The following MYO16 variants were observed in gnomAD, a reference collection of about 807,000 sequenced individuals.
The protein encoded by MYO16 is myosin XVI.
Under a neutral mutation model 205.3 loss-of-function variants are expected in MYO16, and 94 were observed. That is an observed-to-expected ratio of 0.46 (90% CI 0.39 to 0.54). The LOEUF (loss-of-function observed/expected upper bound fraction) is 0.54. Ranked by LOEUF, MYO16 falls within the 20% of genes least tolerant of loss-of-function variation. MYO16 has a pLI of 0.00. For synonymous variants in MYO16, 988 were observed against 954.0 expected, an observed-to-expected ratio of 1.04 and a Z score of -0.66; for missense variants, 2,315 against 2,387.5, an observed-to-expected ratio of 0.97 and a Z score of 0.63.
At chr13:109,045,876 G>T (rs941847159) in intron 23 of MYO16, among the ~76,000 whole-genome samples, 2 of 152,132 alleles carry the variant, frequency 1.3e-5, no homozygotes, top group African/African-American at 4.8e-5. Flanking sequence ...AATTCCCAAA[G>T]AACTCAGGTT....
chr13:108,669,455 G>A lies in MYO16; in HGVS notation c.292+3306G>A, dbSNP rs551424483. Among the ~76,000 whole-genome samples, 3 of 152,198 alleles carry A rather than the reference G, an allele frequency of 2.0e-5. No individual in the cohort carries two copies. In the South Asian group the frequency reaches 6.2e-4, roughly 32 times the overall value. ...AAAGGAGGTTTCTGTAAAGAGGAGA[G>A]AAATGGAAAGATTACTGAAGAGGGA... On this transcript the variant is annotated intron_variant, in intron 2 of 34. Transcript: ENST00000457511.
intron 6 of MYO16, among the ~76,000 whole-genome samples, chr13:108,799,011 G>C (rs1275397843): frequency 6.6e-6 from 1 of 152,208 alleles, no homozygotes; most frequent in African/African-American, 2.4e-5. Flanking sequence ...GGCCCCCGAG[G>C]CTTATTTATT....
intron 1 of MYO16, among the ~76,000 whole-genome samples, chr13:108,608,435 C>A (rs534413395): frequency 2.0e-5 from 3 of 152,128 alleles, no homozygotes; most frequent in Non-Finnish European, 4.4e-5. Flanking sequence ...GCTTTCTCAT[C>A]GGACCTAGCC....
chr13:108,665,477 A>G (rs2139432118), intron 1 of MYO16, among the ~76,000 whole-genome samples: 1 of 152,172 alleles, frequency 6.6e-6, no homozygotes, highest in South Asian at 2.1e-4. Flanking sequence ...GCAAAAGCAA[A>G]TCTATTAGGT....
chr13:108,947,252 A>C (rs190547645), intron 16 of MYO16, among the ~76,000 whole-genome samples: 1 of 152,300 alleles, frequency 6.6e-6, no homozygotes, highest in African/African-American at 2.4e-5. Flanking sequence ...ATGGCCTTAC[A>C]CATGCTTTCT....
chr13:108,835,076 A>G (rs181991215), intron 9 of MYO16, among the ~76,000 whole-genome samples: 1 of 137,354 alleles, frequency 7.3e-6, no homozygotes, highest in Admixed American at 7.8e-5. Flanking sequence ...CAAAACAAGT[A>G]TATTACTTAG....
intron 15 of MYO16, among the ~76,000 whole-genome samples, chr13:108,898,608 T>C (rs1361791950): frequency 6.6e-6 from 1 of 152,156 alleles, no homozygotes; most frequent in East Asian, 1.9e-4. Flanking sequence ...ATATAATTTC[T>C]TCACATAATA....
At chr13:109,002,904 T>A (rs1253552755) in intron 21 of MYO16, among the ~76,000 whole-genome samples, 2 of 152,206 alleles carry the variant, frequency 1.3e-5, no homozygotes, top group Non-Finnish European at 2.9e-5. Flanking sequence ...TACATTTTTT[T>A]AAAGTTTCAA....
intron 28 of MYO16, among the ~76,000 whole-genome samples, chr13:109,105,936 G>A (rs1223602531): frequency 6.6e-6 from 1 of 152,220 alleles, no homozygotes; most frequent in Admixed American, 6.5e-5. Flanking sequence ...TCAGGATGTA[G>A]TGGTGGCTAG....
chr13:108,620,497 G>C (rs964084027), intron 1 of MYO16, among the ~76,000 whole-genome samples: 1 of 152,188 alleles, frequency 6.6e-6, no homozygotes, highest in Non-Finnish European at 1.5e-5. Flanking sequence ...TTGATGCAAA[G>C]TCTGTGGGTG....
At chr13:108,841,909 C>T (rs749562859) in intron 9 of MYO16, among the ~76,000 whole-genome samples, 24 of 151,980 alleles carry the variant, frequency 1.6e-4, no homozygotes, top group Admixed American at 3.9e-4. Context: ...ATGGAAAGTG[C>T]AGAAATAAAC....
chr13:109,127,858 G>GAAAAAAA lies in MYO16; in HGVS notation c.4051+308_4051+309insAAAAAAA, dbSNP rs1876340683. ...CATGTAAAGGTTCACCAATGAGAAA[G>GAAAAAAA]TAAAAAAAAAAAAAAAAAAACTGCT... On this transcript the variant is annotated intron_variant, in intron 31 of 34. Transcript: ENST00000457511. This position sits in a 1 kb window ranked among gnomAD's most constrained non-coding sequence, Gnocchi z 4.2. Among the ~76,000 whole-genome samples, 1 of 37,748 alleles carries GAAAAAAA rather than the reference G, an allele frequency of 2.6e-5. No homozygotes were observed. The highest frequency in any genetic ancestry group is 4.9e-5 in the Non-Finnish European group (1 of 20,478). 24.8% of individuals were successfully genotyped at this position (37,748 alleles called of 152,430 possible). A position where few individuals can be genotyped will look rare whatever the true frequency, so the allele number is the denominator to read the frequency against.
intron 7 of MYO16, 151 bp downstream of exon 7, chr13:108,806,955 G>T: frequency 1.9e-6 from 1 of 528,848 alleles, no homozygotes; most frequent in South Asian, 6.9e-5. Context: ...ATATTTTTAT[G>T]GTTAAAGGAA....
chr13:108,643,166 A>G (rs1396040408), intron 1 of MYO16, among the ~76,000 whole-genome samples: 1 of 152,220 alleles, frequency 6.6e-6, no homozygotes, highest in Non-Finnish European at 1.5e-5. Flanking sequence ...ATCTCCTTCC[A>G]TAATCACTAG....
intron 32 of MYO16, among the ~76,000 whole-genome samples, chr13:109,161,902 A>G (rs1490207869): frequency 6.6e-6 from 1 of 152,076 alleles, no homozygotes; most frequent in African/African-American, 2.4e-5. Flanking sequence ...AACCTGACCA[A>G]CATGATGAAA....
chr13:108,568,004 T>G, the MYO16 span, among the ~76,000 whole-genome samples: 3 of 152,218 alleles, frequency 2.0e-5, no homozygotes, highest in African/African-American at 7.2e-5. Flanking sequence ...TATAATGTTT[T>G]CAAGGTTCAT....
the MYO16 span, among the ~76,000 whole-genome samples, chr13:108,571,938 T>TC: frequency 2.6e-5 from 4 of 151,676 alleles, no homozygotes; most frequent in African/African-American, 4.8e-5. Flanking sequence ...TTTTTTTTTT[T>TC]TAAACAGGGT....
In MYO16 at chr13:109,127,251, T is replaced by G; in HGVS notation, c.3783-31T>G. 1 of 1,543,762 alleles carries G rather than the reference T, an allele frequency of 6.5e-7. No individual in the cohort carries two copies. Among genetic ancestry groups the G allele is most frequent in the Non-Finnish European group, 8.8e-7 (1 of 1,140,356 alleles). On this transcript the variant is annotated intron_variant, in intron 30 of 34. Coordinates refer to ENST00000457511, the MANE Select transcript of MYO16 (RefSeq NM_001198950.3). This position sits in a 1 kb window ranked among gnomAD's most constrained non-coding sequence, Gnocchi z 4.2. Reference sequence around the variant, plus strand: ...ATAATGCATCTGGGCCTCTCTGGCGTGGTGCTGTTTGTGTTTTGTTTCCCC... The same window carrying G: ...ATAATGCATCTGGGCCTCTCTGGCGGGGTGCTGTTTGTGTTTTGTTTCCCC...
chr13:108,636,346 C>CT (rs71125326), intron 1 of MYO16, among the ~76,000 whole-genome samples: 5 of 81,322 alleles, frequency 6.1e-5, no homozygotes, highest in South Asian at 4.3e-4. Flanking sequence ...AAATATTTCC[C>CT]TTTTTTTTTT....
Sources: gnomAD v4.1 joint callset for allele counts (sites outside exome capture counted in the v4.1 genomes callset) on GRCh38, gnomAD v4.1.1 for gene constraint, Gnocchi (gnomAD v3.1) non-coding constraint, MANE v1.5 for transcripts, NCBI Gene and HGNC (gene_info 2026-07-23, HGNC 2026-07-21) for gene names.